The following NAV3 variants were observed in gnomAD, a reference collection of about 807,000 sequenced individuals.
NAV3 encodes the protein neuron navigator 3, also known as pore membrane and/or filament interacting like protein 1.
Under a neutral mutation model 244.7 loss-of-function variants are expected in NAV3, and 87 were observed. The ratio of observed to expected loss-of-function variants is 0.36; its 90% CI spans 0.30 to 0.42. The LOEUF (loss-of-function observed/expected upper bound fraction) is 0.42, where lower values mean the gene tolerates loss of function less well. NAV3 is among the 20% of genes least tolerant of loss of function. The pLI, the probability that NAV3 is intolerant of heterozygous loss-of-function variation, is 1.00. For missense variants in NAV3, 2,663 were observed against 2,893.3 expected (o/e 0.92, Z 1.83); for synonymous variants, 1,126 against 1,042.2 (o/e 1.08, Z -1.55).
At chr12:78,012,282 C>T (rs1246914397) in intron 8 of NAV3, among the ~76,000 whole-genome samples, 1 of 152,014 alleles carries the variant, frequency 6.6e-6, no homozygotes, top group Non-Finnish European at 1.5e-5. Flanking sequence ...ACAACACCAC[C>T]AATTCTCATC....
intron 2 of NAV3, among the ~76,000 whole-genome samples, chr12:77,806,157 C>T (rs1592699368): frequency 6.6e-6 from 1 of 152,106 alleles, no homozygotes; most frequent in South Asian, 2.1e-4. Context: ...TTTTGTGTCT[C>T]TATCTCCTTC....
rs1565986532 is a variant in NAV3, at chr12:77,983,736, CAAG to C, written c.672-11066_672-11064del. Among the ~76,000 whole-genome samples, 8 of 152,198 alleles carry C rather than the reference CAAG, an allele frequency of 5.3e-5. No homozygotes were observed. In the South Asian group the frequency reaches 1.7e-3, roughly 32 times the overall value. ...AACAATTACAGGTGAAGTGAGGAAA[CAAG>C]GAGAATGAGAGAATGTTCTTTTTGT... On this transcript the variant is annotated intron_variant, in intron 5 of 39. Transcript: ENST00000397909.
At chr12:77,929,604 A>C (rs757819848) in intron 1 of NAV3, among the ~76,000 whole-genome samples, 25 of 150,036 alleles carry the variant, frequency 1.7e-4, no homozygotes, top group South Asian at 6.4e-4. Flanking sequence ...TTTCGCTCAG[A>C]CTCTTTTTAT....
At chr12:78,160,092 C>T (rs896827098) in intron 23 of NAV3, among the ~76,000 whole-genome samples, 2 of 152,062 alleles carry the variant, frequency 1.3e-5, no homozygotes, top group Admixed American at 1.3e-4. Flanking sequence ...ATAACAAGAA[C>T]TAGTTGCCAT....
chr12:78,103,784 C>G (rs1187655704), intron 12 of NAV3, among the ~76,000 whole-genome samples: 3 of 152,198 alleles, frequency 2.0e-5, no homozygotes, highest in African/African-American at 7.2e-5. Flanking sequence ...TTCACTACCA[C>G]TAGGACAGTA....
intron 1 of NAV3, among the ~76,000 whole-genome samples, chr12:77,849,153 C>A (rs1056772081): frequency 7.2e-5 from 11 of 152,100 alleles, no homozygotes; most frequent in African/African-American, 1.9e-4. Flanking sequence ...AATTAAATTT[C>A]TTTAAACTTT....
At chr12:78,158,018 T>A (rs1364096415) in intron 22 of NAV3, among the ~76,000 whole-genome samples, 2 of 152,146 alleles carry the variant, frequency 1.3e-5, no homozygotes, top group Non-Finnish European at 2.9e-5. Flanking sequence ...ACATTCTAAC[T>A]GTTACCAATA....
At chr12:77,805,340 C>T (rs971541777) in intron 2 of NAV3, among the ~76,000 whole-genome samples, 2 of 152,144 alleles carry the variant, frequency 1.3e-5, no homozygotes, top group East Asian at 1.9e-4. Context: ...AGATATGTTC[C>T]ATCAATACCT....
intron 30 of NAV3, among the ~76,000 whole-genome samples, chr12:78,183,490 C>A (rs1384443527): frequency 6.6e-6 from 1 of 151,898 alleles, no homozygotes; most frequent in Non-Finnish European, 1.5e-5. Flanking sequence ...GTGACTGTAA[C>A]AATTTGTTCA....
At chr12:78,060,966 G>A (rs564003380) in intron 12 of NAV3, among the ~76,000 whole-genome samples, 133 of 152,236 alleles carry the variant, frequency 8.7e-4, no homozygotes, top group Non-Finnish European at 1.3e-3. Context: ...CAGGGCCCCA[G>A]ACTGGGCTCT....
At chr12:78,199,582 G>T (rs757731096) in intron 37 of NAV3, 51 bp downstream of exon 37, 8 of 1,342,340 alleles carry the variant, frequency 6.0e-6, no homozygotes, top group Non-Finnish European at 8.1e-6. Flanking sequence ...ACAGTGCTTG[G>T]TAAAGACGGC....
rs776225440 is a variant in NAV3 at position 77,873,744 on chromosome 12, G to GTGTGTA, written c.243+42041_243+42042insGTGTAT. Among the ~76,000 whole-genome samples, 19 of 73,172 alleles carry GTGTGTA rather than the reference G, an allele frequency of 2.6e-4. No homozygotes were observed. The South Asian group carries it at 2.6e-3, about 10-fold the overall frequency. 48.0% of individuals were successfully genotyped at this position (73,172 alleles called of 152,430 possible). On this transcript the variant is annotated intron_variant, in intron 1 of 39. Transcript: ENST00000397909. Reference sequence around the variant, plus strand: ...CTTATCTAAATACATATGTGTGTGTGTATATATATATATATATATATATGT... The same window carrying GTGTGTA: ...CTTATCTAAATACATATGTGTGTGTGTGTGTATATATATATATATATATATATATGT...
At chr12:77,909,354 C>T (rs1189043994) in intron 1 of NAV3, among the ~76,000 whole-genome samples, 1 of 151,868 alleles carries the variant, frequency 6.6e-6, no homozygotes, top group Non-Finnish European at 1.5e-5. Context: ...CGGGTAACAA[C>T]TGTTCCACCC....
chr12:77,765,616 T>C (rs1869708650), intron 2 of NAV3, among the ~76,000 whole-genome samples: 2 of 152,114 alleles, frequency 1.3e-5, no homozygotes, highest in Non-Finnish European at 2.9e-5. Flanking sequence ...CATGCAGTCC[T>C]GAAGGAACAG....
chr12:77,974,456 TA>T (rs974792988), intron 5 of NAV3, among the ~76,000 whole-genome samples: 1 of 144,324 alleles, frequency 6.9e-6, no homozygotes, highest in African/African-American at 2.5e-5. Flanking sequence ...TGTTTATTAT[TA>T]TTTTTTTTTT....
intron 3 of NAV3, among the ~76,000 whole-genome samples, chr12:77,958,676 T>C (rs1177454954): frequency 6.6e-6 from 1 of 152,170 alleles, no homozygotes; most frequent in African/African-American, 2.4e-5. Context: ...GATCTAGCTC[T>C]CAGAAACTTT....
At chr12:78,064,516 G>A (rs538399934) in intron 12 of NAV3, among the ~76,000 whole-genome samples, 2 of 151,694 alleles carry the variant, frequency 1.3e-5, no homozygotes, top group Admixed American at 1.3e-4. Context: ...TCTTATAAGG[G>A]CACCAGTGCT....
At chr12:77,854,328 A>G (rs1878021943) in intron 1 of NAV3, among the ~76,000 whole-genome samples, 1 of 152,140 alleles carries the variant, frequency 6.6e-6, no homozygotes, top group Non-Finnish European at 1.5e-5. Context: ...ACCTCATACC[A>G]TGTTCACATA....
At chr12:77,875,583 A>G (rs1881729270) in intron 1 of NAV3, among the ~76,000 whole-genome samples, 1 of 152,112 alleles carries the variant, frequency 6.6e-6, no homozygotes, top group African/African-American at 2.4e-5. Flanking sequence ...TAATGAATTT[A>G]TGAATGTATG....
Sources: allele counts gnomAD v4.1 joint callset (sites outside exome capture counted in the v4.1 genomes callset), GRCh38; gene constraint gnomAD v4.1.1; transcripts MANE v1.5; gene names NCBI Gene and HGNC (gene_info 2026-07-23, HGNC 2026-07-21).